GRAP2: variants seen among roughly 807,000 people sequenced by gnomAD.
The protein encoded by GRAP2 is GRB2-related adapter protein 2.
Under a neutral mutation model 43.5 loss-of-function variants are expected in GRAP2, and 31 were observed. The ratio of observed to expected loss-of-function variants is 0.71; its 90% confidence interval spans 0.54 to 0.96. The LOEUF is 0.96. Among genes scored for constraint, GRAP2 ranks in the 40% least tolerant of loss-of-function variants. The pLI, the probability that GRAP2 is intolerant of heterozygous loss-of-function variation, is 0.00. For synonymous variants in GRAP2, 156 were observed against 164.8 expected (o/e 0.95, Z 0.41); for missense variants, 371 against 424.4 (o/e 0.87, Z 1.11).
At chr22:39,965,345 C>A (rs1042751256) in intron 4 of GRAP2, among the ~76,000 whole-genome samples, 1 of 152,168 alleles carries the variant, frequency 6.6e-6, no homozygotes, top group Non-Finnish European at 1.5e-5. Context: ...TGCACTCCAG[C>A]CTGGGCGACA....
Position 39,956,196 on chromosome 22 carries a change from C to T in GRAP2, c.170+286C>T, listed in dbSNP as rs373151419. ...TTTGGGAGTTGGGGTCTCCCTCTGTCACCCAGGCTGGAGTGCGGTGACTCC... is the reference window on the plus strand; with the variant it reads ...TTTGGGAGTTGGGGTCTCCCTCTGTTACCCAGGCTGGAGTGCGGTGACTCC... On this transcript the variant is annotated intron_variant, in intron 3 of 7. Coordinates refer to ENST00000344138, the MANE Select transcript of GRAP2 (RefSeq NM_004810.4). Among the ~76,000 whole-genome samples the T allele has an allele frequency of 3.7e-4, 55 of 147,380 alleles. 1 individual carries two copies. In the East Asian group the frequency reaches 0.01, roughly 27 times the overall value.
At chr22:39,946,162 G>C (rs1227516768) in intron 1 of GRAP2, among the ~76,000 whole-genome samples, 1 of 152,154 alleles carries the variant, frequency 6.6e-6, no homozygotes, top group East Asian at 1.9e-4. Context: ...CGCCCGGCCT[G>C]CATCTATAAT....
intron 1 of GRAP2, among the ~76,000 whole-genome samples, chr22:39,901,865 G>T (rs1244965035): frequency 6.6e-6 from 1 of 152,198 alleles, no homozygotes; most frequent in Non-Finnish European, 1.5e-5. Flanking sequence ...GAAGGGTATT[G>T]TCTCTCTTCG....
intron 5 of GRAP2, 137 bp from the exon 6 acceptor site, chr22:39,967,905 C>G: frequency 8.9e-7 from 1 of 1,126,980 alleles, no homozygotes; most frequent in Non-Finnish European, 1.2e-6. Context: ...CATCAATTAT[C>G]TTTTAGCTGC....
At chr22:39,898,000 A>G (rs1422104622), upstream of GRAP2, among the ~76,000 whole-genome samples, 3 of 152,220 alleles carry the variant, frequency 2.0e-5, no homozygotes, top group African/African-American at 7.2e-5. Flanking sequence ...AGGCCTCGCC[A>G]TGGCAACAAG....
chr22:39,941,301 C>G (rs2066868004), intron 1 of GRAP2, among the ~76,000 whole-genome samples: 1 of 152,154 alleles, frequency 6.6e-6, no homozygotes, highest in South Asian at 2.1e-4. Context: ...CAGAACAACC[C>G]CACGGAGTAA....
intron 1 of GRAP2, among the ~76,000 whole-genome samples, chr22:39,914,579 A>T (rs553670155): frequency 6.6e-6 from 1 of 152,310 alleles, no homozygotes; most frequent in East Asian, 1.9e-4. Flanking sequence ...GATTAATCTC[A>T]TTTCACATCA....
intron 2 of GRAP2, among the ~76,000 whole-genome samples, chr22:39,952,863 A>C (rs960003978): frequency 7.2e-5 from 11 of 152,166 alleles, no homozygotes; most frequent in Admixed American, 2.0e-4. Flanking sequence ...TTCAGGTACC[A>C]GGGCTCATTT....
intron 1 of GRAP2, among the ~76,000 whole-genome samples, chr22:39,917,009 A>C (rs1383537214): frequency 6.6e-6 from 1 of 152,228 alleles, no homozygotes; most frequent in African/African-American, 2.4e-5. Flanking sequence ...AGTCATGTAG[A>C]ATAGAAAGCA....
At chr22:39,920,803 G>A (rs908841228) in intron 1 of GRAP2, among the ~76,000 whole-genome samples, 5 of 151,370 alleles carry the variant, frequency 3.3e-5, no homozygotes, top group Admixed American at 6.6e-5. Context: ...ACACACACAC[G>A]TGGATGCTGA....
chr22:39,908,636 G>A (rs1430667993), intron 1 of GRAP2, among the ~76,000 whole-genome samples: 1 of 152,160 alleles, frequency 6.6e-6, no homozygotes, highest in African/African-American at 2.4e-5. Context: ...ACTCACAAGA[G>A]GGCCTGCAGC....
chr22:39,927,102 A>G (rs1354078803), intron 1 of GRAP2, among the ~76,000 whole-genome samples: 1 of 151,832 alleles, frequency 6.6e-6, no homozygotes. Flanking sequence ...TCTTTTTTTC[A>G]TGCTCACTTC....
chr22:39,965,964 C>A, intron 4 of GRAP2, 26 bp from the exon 5 acceptor site: 3 of 1,603,198 alleles, frequency 1.9e-6, no homozygotes, highest in South Asian at 1.1e-5. Context: ...GTGTAACATA[C>A]AATTTTGTTT....
At chr22:39,944,562 A>G (rs2066902385) in intron 1 of GRAP2, among the ~76,000 whole-genome samples, 1 of 152,224 alleles carries the variant, frequency 6.6e-6, no homozygotes, top group Non-Finnish European at 1.5e-5. Context: ...GCCAGGATTA[A>G]TATTACAAGC....
intron 1 of GRAP2, among the ~76,000 whole-genome samples, chr22:39,941,245 G>T (rs1197515461): frequency 6.6e-6 from 1 of 152,146 alleles, no homozygotes; most frequent in Non-Finnish European, 1.5e-5. Flanking sequence ...AATAACAACT[G>T]CCATTCGTTG....
chr22:39,938,268 T>G (rs1467822124), intron 1 of GRAP2, among the ~76,000 whole-genome samples: 1 of 152,188 alleles, frequency 6.6e-6, no homozygotes, highest in Non-Finnish European at 1.5e-5. Flanking sequence ...CAATGAAGTC[T>G]CCATAATCCA....
At chr22:39,903,044 C>G (rs2066502700) in intron 1 of GRAP2, among the ~76,000 whole-genome samples, 2 of 152,188 alleles carry the variant, frequency 1.3e-5, no homozygotes, top group African/African-American at 4.8e-5. Flanking sequence ...TAATAACACC[C>G]ACTGGTGTTG....
At chr22:39,898,739 G>A (rs71321173), upstream of GRAP2, among the ~76,000 whole-genome samples, 1 of 152,172 alleles carries the variant, frequency 6.6e-6, no homozygotes, top group Non-Finnish European at 1.5e-5. Context: ...TTTGAACTTA[G>A]GAGGTGGAGG....
At chr22:39,921,984 T>C (rs941894159) in intron 1 of GRAP2, among the ~76,000 whole-genome samples, 10 of 152,136 alleles carry the variant, frequency 6.6e-5, no homozygotes, top group African/African-American at 2.4e-4. Context: ...TGTCAGTTGG[T>C]TTCACTCCAT....
Sources: allele counts gnomAD v4.1 joint callset (sites outside exome capture counted in the v4.1 genomes callset), GRCh38; gene constraint gnomAD v4.1.1; transcripts MANE v1.5; gene names NCBI Gene and HGNC (gene_info 2026-07-23, HGNC 2026-07-21).